The following HECW1 variants were observed in gnomAD, a reference collection of about 807,000 sequenced individuals.
HECW1 encodes HECT, C2 and WW domain containing E3 ubiquitin protein ligase 1.
Under a neutral mutation model 182.3 loss-of-function variants are expected in HECW1, and 61 were observed. That is an observed-to-expected ratio of 0.33 (90% CI 0.27 to 0.41). The LOEUF is 0.41. Ranked by LOEUF, HECW1 falls within the 10% of genes least tolerant of loss-of-function variation. The pLI, the probability that HECW1 is intolerant of heterozygous loss-of-function variation, is 1.00. For missense variants in HECW1, 1,739 were observed against 2,108.9 expected (o/e 0.82, Z 3.44); for synonymous variants, 859 against 832.6 (o/e 1.03, Z -0.55).
intron 3 of HECW1, among the ~76,000 whole-genome samples, chr7:43,244,170 T>C (rs1233830683): frequency 6.6e-6 from 1 of 152,186 alleles, no homozygotes; most frequent in Non-Finnish European, 1.5e-5. Context: ...GTCCTCCTTG[T>C]GTGATGTGAA....
intron 5 of HECW1, among the ~76,000 whole-genome samples, chr7:43,346,757 C>T (rs564085466): frequency 5.6e-4 from 85 of 152,218 alleles, no homozygotes; most frequent in Non-Finnish European, 9.3e-4. Flanking sequence ...GCATCCTTTC[C>T]CCACTTTATG....
chr7:43,409,125 C>G (rs573068348), intron 8 of HECW1, among the ~76,000 whole-genome samples: 2 of 152,302 alleles, frequency 1.3e-5, no homozygotes, highest in African/African-American at 2.4e-5. Flanking sequence ...CATACCACCC[C>G]CTTCCTGGGC....
intron 19 of HECW1, among the ~76,000 whole-genome samples, chr7:43,498,629 A>T (rs1368399310): frequency 6.6e-6 from 1 of 152,116 alleles, no homozygotes; most frequent in Non-Finnish European, 1.5e-5. Flanking sequence ...CTGGGCTTTC[A>T]CATGTTCCCT....
At chr7:43,202,993 G>T (rs530519859) in intron 2 of HECW1, among the ~76,000 whole-genome samples, 1 of 151,064 alleles carries the variant, frequency 6.6e-6, no homozygotes, top group Non-Finnish European at 1.5e-5. Flanking sequence ...ATCTCCCTTC[G>T]CTGATTCTCT....
chr7:43,145,573 C>T (rs1788619505), intron 2 of HECW1, among the ~76,000 whole-genome samples: 1 of 152,190 alleles, frequency 6.6e-6, no homozygotes, highest in Non-Finnish European at 1.5e-5. Flanking sequence ...GCTGGGATTA[C>T]AGGCATGTCT....
intron 2 of HECW1, among the ~76,000 whole-genome samples, chr7:43,232,659 A>T (rs1256928921): frequency 6.6e-6 from 1 of 152,166 alleles, no homozygotes; most frequent in Non-Finnish European, 1.5e-5. Flanking sequence ...GGGATGGTGA[A>T]ACTCATGATA....
At chr7:43,371,225 A>G (rs1817323210) in intron 6 of HECW1, among the ~76,000 whole-genome samples, 1 of 152,092 alleles carries the variant, frequency 6.6e-6, no homozygotes, top group African/African-American at 2.4e-5. Context: ...TGGTGGCTAC[A>G]TGTTATTATA....
intron 2 of HECW1, among the ~76,000 whole-genome samples, chr7:43,127,669 T>C (rs550487539): frequency 6.6e-6 from 1 of 152,118 alleles, no homozygotes; most frequent in South Asian, 2.1e-4. Flanking sequence ...CCTAATTCTC[T>C]CCAATTCTAT....
At chr7:43,278,800 C>T (rs1803512321) in intron 3 of HECW1, among the ~76,000 whole-genome samples, 1 of 152,120 alleles carries the variant, frequency 6.6e-6, no homozygotes, top group African/African-American at 2.4e-5. Flanking sequence ...TCCTGACCAC[C>T]GCATTTACAA....
chr7:43,453,228 C>T (rs748037973), intron 12 of HECW1, among the ~76,000 whole-genome samples: 11 of 152,100 alleles, frequency 7.2e-5, no homozygotes, highest in Non-Finnish European at 1.3e-4. Flanking sequence ...TGTCTTTATG[C>T]AGGAACCCAG....
At chr7:43,488,602 G>A (rs1253001177) in intron 17 of HECW1, among the ~76,000 whole-genome samples, 1 of 152,194 alleles carries the variant, frequency 6.6e-6, no homozygotes, top group Non-Finnish European at 1.5e-5. Context: ...CCTCGGGATG[G>A]ATTGTTTAGT....
At chr7:43,137,042 C>T (rs894396771) in intron 2 of HECW1, among the ~76,000 whole-genome samples, 1 of 152,204 alleles carries the variant, frequency 6.6e-6, no homozygotes, top group Non-Finnish European at 1.5e-5. Flanking sequence ...TCCAGGTCAA[C>T]CTGTTAGAGT....
At chr7:43,251,941 G>A (rs1285921036) in intron 3 of HECW1, among the ~76,000 whole-genome samples, 1 of 152,142 alleles carries the variant, frequency 6.6e-6, no homozygotes, top group Non-Finnish European at 1.5e-5. Context: ...ATCCAAGCTG[G>A]ACCCAGTGCT....
intron 2 of HECW1, among the ~76,000 whole-genome samples, chr7:43,135,972 A>G (rs1027603409): frequency 7.8e-6 from 1 of 128,152 alleles, no homozygotes; most frequent in Non-Finnish European, 1.6e-5. Flanking sequence ...AATAGATACC[A>G]TTTACACTTT....
At chr7:43,399,139 A>G (rs1158941921) in intron 7 of HECW1, among the ~76,000 whole-genome samples, 1 of 152,218 alleles carries the variant, frequency 6.6e-6, no homozygotes, top group Admixed American at 6.5e-5. Context: ...TGTTAGTCCT[A>G]CAAATGCAGT....
Position 43,546,098 on chromosome 7 carries a change from C to G in HECW1, c.4248+4100C>G, listed in dbSNP as rs1262818003. Among the ~76,000 whole-genome samples, 2 of 149,068 alleles carry G rather than the reference C, an allele frequency of 1.3e-5. 1 individual carries two copies. The highest frequency in any genetic ancestry group is 4.2e-4 in the South Asian group (2 of 4,716). On this transcript the variant is annotated intron_variant, in intron 26 of 29. Transcript: ENST00000395891. Reference sequence around the variant, plus strand: ...TCTAGATCTTCTTCCCCTTCTGAACCTGGCACTGGTTCAGAAGCATTCATC... The same window carrying G: ...TCTAGATCTTCTTCCCCTTCTGAACGTGGCACTGGTTCAGAAGCATTCATC...
chr7:43,132,872 T>A (rs972374480), intron 2 of HECW1, among the ~76,000 whole-genome samples: 28 of 152,186 alleles, frequency 1.8e-4, no homozygotes, highest in African/African-American at 6.8e-4. Context: ...AGAACGATAA[T>A]AAATAATGTG....
chr7:43,519,259 T>C (rs1215534498), intron 24 of HECW1, among the ~76,000 whole-genome samples: 5 of 152,106 alleles, frequency 3.3e-5, no homozygotes, highest in Non-Finnish European at 2.9e-5. Flanking sequence ...AGACTTTTTT[T>C]TTTTTTAGAC....
At chr7:43,416,982 C>T (rs777631346) in intron 8 of HECW1, among the ~76,000 whole-genome samples, 22 of 152,284 alleles carry the variant, frequency 1.4e-4, no homozygotes, top group African/African-American at 2.2e-4. Context: ...AGAAATCACC[C>T]GTCTTCTGCG....
Sources: allele counts gnomAD v4.1 joint callset (sites outside exome capture counted in the v4.1 genomes callset), GRCh38; gene constraint gnomAD v4.1.1; transcripts MANE v1.5; gene names NCBI Gene and HGNC (gene_info 2026-07-23, HGNC 2026-07-21).